NUDT7: variants seen among roughly 807,000 people sequenced by gnomAD.
NUDT7 encodes nudix hydrolase 7, also known as peroxisomal coenzyme A diphosphatase NUDT7.
Under a neutral mutation model 13.1 loss-of-function variants are expected in NUDT7, and 19 were observed. The observed-to-expected ratio is 1.45, with a 90% CI of 1.01 to 2.13. The LOEUF (loss-of-function observed/expected upper bound fraction) is 2.13. Ranked by LOEUF, NUDT7 falls within the 30% of genes most tolerant of loss-of-function variation. NUDT7 has a pLI of 0.00. For missense variants in NUDT7, 360 were observed against 291.7 expected, an observed-to-expected ratio of 1.23 and a Z score of -1.71; for synonymous variants, 132 against 109.7, an observed-to-expected ratio of 1.20 and a Z score of -1.27.
rs73569645 is a variant in NUDT7 at position 77,740,969 on chromosome 16, T to C, written c.349-613T>C. ...TATATATAAGACACATAATTATATA[T>C]ATATGTGTATGTACTATGAAATTTT... is the stretch of plus-strand genomic sequence containing the variant. On this transcript the variant is annotated intron_variant, in intron 3 of 3. Transcript: ENST00000268533. Among the ~76,000 whole-genome samples the C allele has an allele frequency of 3.3e-3, 497 of 152,350 alleles. 1 individual carries two copies. The highest frequency in any genetic ancestry group is 0.011 in the African/African-American group (473 of 41,580).
chr16:77,730,058 A>G (rs957463877), intron 2 of NUDT7, among the ~76,000 whole-genome samples: 1 of 152,162 alleles, frequency 6.6e-6, no homozygotes, highest in Non-Finnish European at 1.5e-5. Flanking sequence ...CTCACATAGT[A>G]ACATATTAAC....
chr16:77,726,795 A>C (rs1174331429), intron 2 of NUDT7, among the ~76,000 whole-genome samples: 3 of 152,102 alleles, frequency 2.0e-5, no homozygotes, highest in Admixed American at 1.3e-4. Context: ...ACTCCATCTC[A>C]AAAAAAGAAA....
chr16:77,738,714 G>A (rs1260475475), intron 3 of NUDT7, among the ~76,000 whole-genome samples: 1 of 152,104 alleles, frequency 6.6e-6, no homozygotes, highest in Non-Finnish European at 1.5e-5. Flanking sequence ...AGCTACCTAT[G>A]TATGTATGCA....
intron 2 of NUDT7, 49 bp from the exon 3 acceptor site, chr16:77,735,779 G>C (rs755269677): frequency 6.5e-7 from 1 of 1,549,558 alleles, no homozygotes. Context: ...TGCATAAATA[G>C]TTCCAAAATT....
intron 3 of NUDT7, chr16:77,736,339 C>G (rs2014483341): frequency 5.2e-6 from 1 of 193,220 alleles, no homozygotes; most frequent in African/African-American, 2.3e-5. Flanking sequence ...GAAAAAAGAA[C>G]AGACACTCCA....
chr16:77,740,183 G>A (rs2014616203), intron 3 of NUDT7, among the ~76,000 whole-genome samples: 1 of 152,150 alleles, frequency 6.6e-6, no homozygotes, highest in Non-Finnish European at 1.5e-5. Context: ...GACATACGAA[G>A]TCTATGTTCC....
In NUDT7 at chr16:77,725,491, T is replaced by C. The variant is rs2014102778; in HGVS notation, c.96T>C (p.Tyr32=). 6.2e-7 allele frequency: 1 copy of C among 1,613,342 alleles called. No individual in the cohort carries two copies. Among genetic ancestry groups the C allele is most frequent in the Non-Finnish European group, 8.5e-7 (1 of 1,179,308 alleles). The part of the protein sequence containing the change: ...RLRKYDIGGK[Y]SHLPYNKYSV... ...GAAAGTATGATATTGGAGGCAAATATTCTCACTTGCCATATAACAAATACT... is the reference window on the plus strand; with the variant it reads ...GAAAGTATGATATTGGAGGCAAATACTCTCACTTGCCATATAACAAATACT... The change falls in exon 2 of 4, where the codon TAT becomes TAC. Residue 32 remains tyrosine (Y), a synonymous_variant. Coordinates refer to ENST00000268533, the MANE Select transcript of NUDT7 (RefSeq NM_001105663.3).
In NUDT7 at chr16:77,741,674, G is replaced by T. The variant is rs2014666602; in HGVS notation, c.441G>T (p.Val147=). 6.2e-7 allele frequency: 1 copy of T among 1,614,088 alleles called. No individual in the cohort carries two copies. The highest frequency in any genetic ancestry group is 8.5e-7 in the Non-Finnish European group (1 of 1,180,016). Residue 147 remains valine, a synonymous_variant, in exon 4 of 4, where the codon GTG becomes GTT. Coordinates refer to ENST00000268533, the MANE Select transcript of NUDT7 (RefSeq NM_001105663.3). ...NPAEVKDVFL[V]PLAYFLHPQV... The stretch of plus-strand genomic sequence containing the variant: ...CTGAAGTTAAGGATGTATTCCTGGT[G>T]CCTCTGGCCTATTTCCTGCATCCAC...
At chr16:77,733,842 G>T (rs879714745) in intron 2 of NUDT7, among the ~76,000 whole-genome samples, 4 of 152,094 alleles carry the variant, frequency 2.6e-5, no homozygotes, top group Admixed American at 2.6e-4. Flanking sequence ...AAGGATAGTG[G>T]GTACTAGGCA....
At chr16:77,731,965 AAAAAATT>A (rs2014331963) in intron 2 of NUDT7, among the ~76,000 whole-genome samples, 1 of 152,212 alleles carries the variant, frequency 6.6e-6, no homozygotes, top group Non-Finnish European at 1.5e-5. Context: ...CAAAAGAGTC[AAAAAATT>A]AAAAATTAAA....
chr16:77,731,739 T>C (rs1450240031), intron 2 of NUDT7, among the ~76,000 whole-genome samples: 2 of 152,140 alleles, frequency 1.3e-5, no homozygotes, highest in Admixed American at 6.5e-5. Context: ...TCCATGTATG[T>C]TATTGTTGCC....
intron 3 of NUDT7, among the ~76,000 whole-genome samples, chr16:77,737,103 C>T (rs1278297551): frequency 6.6e-6 from 1 of 152,136 alleles, no homozygotes; most frequent in Non-Finnish European, 1.5e-5. Context: ...CATCTTACAT[C>T]ACTGTGTACA....
intron 3 of NUDT7, among the ~76,000 whole-genome samples, chr16:77,737,643 G>T (rs911916371): frequency 2.0e-5 from 3 of 151,922 alleles, no homozygotes; most frequent in African/African-American, 4.8e-5. Flanking sequence ...CCATCACCGC[G>T]CCCGGCTAAT....
chr16:77,735,211 C>A (rs2014438924), intron 2 of NUDT7, among the ~76,000 whole-genome samples: 1 of 152,100 alleles, frequency 6.6e-6, no homozygotes, highest in African/African-American at 2.4e-5. Context: ...CCTGTCCCCA[C>A]CCAAATCTCA....
At chr16:77,735,469 A>ATCT in intron 2 of NUDT7, 1 of 664,020 alleles carries the variant, frequency 1.5e-6, no homozygotes, top group Non-Finnish European at 2.7e-6. Context: ...GAAGCCAAGC[A>ATCT]GACGCCAGCA....
chr16:77,738,251 A>G (rs1054705232), intron 3 of NUDT7, among the ~76,000 whole-genome samples: 8 of 151,972 alleles, frequency 5.3e-5, no homozygotes, highest in African/African-American at 1.9e-4. Flanking sequence ...TCTGTTCCCA[A>G]GGTCCCCAGG....
intron 3 of NUDT7, among the ~76,000 whole-genome samples, chr16:77,738,713 T>G (rs571669739): frequency 1.8e-4 from 27 of 152,306 alleles, no homozygotes; most frequent in African/African-American, 6.0e-4. Context: ...TAGCTACCTA[T>G]GTATGTATGC....
chr16:77,722,829 G>A (rs2014002318), intron 1 of NUDT7, among the ~76,000 whole-genome samples: 1 of 152,200 alleles, frequency 6.6e-6, no homozygotes, highest in South Asian at 2.1e-4. Flanking sequence ...GCTTAAGCCA[G>A]TATGGTTTAC....
rs760483015 is a variant in NUDT7, at chr16:77,735,857, C to T, written c.219C>T (p.Phe73=). 1.9e-6 allele frequency: 3 copies of T among 1,613,766 alleles called. No individual in the cohort carries two copies. Among genetic ancestry groups the T allele is most frequent in the East Asian group, 4.5e-5 (2 of 44,876 alleles). Residue 73 remains phenylalanine, a synonymous_variant, in exon 3 of 4, where the codon TTC becomes TTT. Coordinates refer to ENST00000268533, the MANE Select transcript of NUDT7 (RefSeq NM_001105663.3). The part of the protein sequence containing the change: ...KLRRAPGEVC[F]PGGKRDPTDM... ...GAAGGGCCCCTGGAGAAGTTTGCTT[C>T]CCTGGAGGTAAGCGTGACCCTACAG...
Sources: allele counts gnomAD v4.1 joint callset (sites outside exome capture counted in the v4.1 genomes callset), GRCh38; gene constraint gnomAD v4.1.1; transcripts MANE v1.5; gene names NCBI Gene and HGNC (gene_info 2026-07-23, HGNC 2026-07-21).